The following WTAP variants were observed in gnomAD, a reference collection of about 807,000 sequenced individuals.
WTAP encodes pre-mRNA-splicing regulator WTAP.
A neutral mutation model predicts 50.0 loss-of-function variants in WTAP; 8 were observed. The ratio of observed to expected loss-of-function variants is 0.16; its 90% confidence interval spans 0.09 to 0.29. The LOEUF is 0.29. Among genes scored for constraint, WTAP ranks in the 10% least tolerant of loss-of-function variants. WTAP has a pLI of 1.00. For missense variants in WTAP, 295 were observed against 470.7 expected, an observed-to-expected ratio of 0.63 and a Z score of 3.45; for synonymous variants, 194 against 169.0, an observed-to-expected ratio of 1.15 and a Z score of -1.15.
chr6:159,754,681 A>G (rs112615029), intron 7 of WTAP, among the ~76,000 whole-genome samples: 2 of 152,292 alleles, frequency 1.3e-5, no homozygotes, highest in African/African-American at 4.8e-5. Flanking sequence ...CTAGGAAAAT[A>G]GTTATTTTAC....
chr6:159,737,533 G>C (rs975343872), intron 2 of WTAP, among the ~76,000 whole-genome samples: 2 of 151,848 alleles, frequency 1.3e-5, no homozygotes, highest in East Asian at 3.9e-4. Context: ...TCACTCTGTT[G>C]CCCATGCTGG....
At chr6:159,729,314 A>AT (rs1778421469) in intron 1 of WTAP, among the ~76,000 whole-genome samples, 1 of 152,090 alleles carries the variant, frequency 6.6e-6, no homozygotes, top group Non-Finnish European at 1.5e-5. Flanking sequence ...CTTGTTTTTA[A>AT]TTTTTTTAGT....
chr6:159,730,653 A>G (rs1437576509), intron 1 of WTAP, among the ~76,000 whole-genome samples: 2 of 152,220 alleles, frequency 1.3e-5, no homozygotes, highest in African/African-American at 4.8e-5. Context: ...TTTACTTTTC[A>G]TCAGATTAAA....
rs1052051436 is a variant in WTAP at position 159,755,717 on chromosome 6, G to A, written c.*106G>A. On this transcript the variant is annotated 3_prime_UTR_variant, in exon 8 of 8. Transcript: ENST00000621533. ...ACAATTTGCCTTTTTGTGGGTGTAC[G>A]TTTTGGTTTTTTTTTGTTGTTTTTT... 8.0e-5 allele frequency: 78 copies of A among 980,926 alleles called. No homozygotes were observed. Among genetic ancestry groups the A allele is most frequent in the Non-Finnish European group, 8.9e-5 (75 of 838,326 alleles). The allele number at this position is 980,926 out of a possible 1,614,324, so 60.8% of individuals were successfully genotyped here. A position where few individuals can be genotyped will look rare whatever the true frequency, so the allele number is the denominator to read the frequency against.
chr6:159,755,767 T>G lies in WTAP; in HGVS notation c.*156T>G. ...TTTCTTTGTTTTTTTTTTCTTTTCT[T>G]TTTTTTTTTTTTTTTTTTTTTTTGC... On this transcript the variant is annotated 3_prime_UTR_variant, in exon 8 of 8. Transcript: ENST00000621533. 1 of 343,092 alleles carries G rather than the reference T, an allele frequency of 2.9e-6. No individual in the cohort carries two copies. The allele number at this position is 343,092 out of a possible 1,614,324, so 21.3% of individuals were successfully genotyped here.
In WTAP at chr6:159,755,790, T is replaced by TTTTTTTTTTTTTTG. The variant is rs1779991801; in HGVS notation, c.*179_*180insTTTTTTTTTTTTTG. The stretch of plus-strand genomic sequence containing the variant: ...CTTTTTTTTTTTTTTTTTTTTTTTT[T>TTTTTTTTTTTTTTG]GCTTCAATACTTCTGCCGCTTTGGA... On this transcript the variant is annotated 3_prime_UTR_variant, in exon 8 of 8. Coordinates refer to ENST00000621533, the MANE Select transcript of WTAP (RefSeq NM_001270531.2). 2 of 848,086 alleles carry TTTTTTTTTTTTTTG rather than the reference T, an allele frequency of 2.4e-6. No individual in the cohort carries two copies. The highest frequency in any genetic ancestry group is 3.1e-6 in the Non-Finnish European group (2 of 641,818). The allele number at this position is 848,086 out of a possible 1,614,324, so 52.5% of individuals were successfully genotyped here.
intron 3 of WTAP, among the ~76,000 whole-genome samples, chr6:159,740,021 C>T (rs1779155177): frequency 6.6e-6 from 1 of 151,728 alleles, no homozygotes; most frequent in African/African-American, 2.4e-5. Flanking sequence ...TTTTAATGTG[C>T]ATATAAATTA....
chr6:159,752,198 TAGA>T (rs1285499412), intron 6 of WTAP, among the ~76,000 whole-genome samples: 5 of 152,284 alleles, frequency 3.3e-5, no homozygotes, highest in African/African-American at 1.2e-4. Flanking sequence ...AAAGCCTCAC[TAGA>T]AGAAGGAAAG....
chr6:159,747,514 C>G (rs892653418), intron 5 of WTAP, among the ~76,000 whole-genome samples: 1 of 152,098 alleles, frequency 6.6e-6, no homozygotes, highest in Non-Finnish European at 1.5e-5. Flanking sequence ...GGCTTAAGGT[C>G]CTATAGAGTT....
intron 7 of WTAP, among the ~76,000 whole-genome samples, chr6:159,753,937 G>C (rs535531557): frequency 6.6e-6 from 1 of 152,294 alleles, no homozygotes; most frequent in East Asian, 1.9e-4. Context: ...GTTTGAAAGG[G>C]AGAATAAGCA....
At position 159,743,680 on chromosome 6, in the gene WTAP, G is replaced by A. The variant is rs1165719493; in HGVS notation, c.161G>A (p.Gly54Asp). 6.2e-7 allele frequency: 1 copy of A among 1,612,246 alleles called. No homozygotes were observed. Among genetic ancestry groups the A allele is most frequent in the East Asian group, 2.2e-5 (1 of 44,810 alleles). ...YTDLNSNDVT[G>D]LRESEEKLKQ... The stretch of plus-strand genomic sequence containing the variant: ...GAATCATCAGCTAATGATGTAACTG[G>A]CCTAAGAGAGTCTGAAGAAAAACTA... The change falls in exon 5 of 8, where the codon GGC (glycine) becomes GAC (aspartate). Residue 54 changes from glycine to aspartate, a missense_variant. This residue lies in a region of WTAP where 120 missense variants were observed against 287.6 expected (regional missense o/e 0.42). Coordinates refer to ENST00000621533, the MANE Select transcript of WTAP (RefSeq NM_001270531.2).
chr6:159,746,627 G>C (rs527614994), intron 5 of WTAP, among the ~76,000 whole-genome samples: 1 of 152,122 alleles, frequency 6.6e-6, no homozygotes, highest in Non-Finnish European at 1.5e-5. Flanking sequence ...AATTAGCCAC[G>C]TAGTTACTAT....
chr6:159,727,765 C>T (rs965154088), intron 1 of WTAP, 62 bp downstream of exon 1: 176 of 970,242 alleles, frequency 1.8e-4, no homozygotes, highest in Non-Finnish European at 2.1e-4. Flanking sequence ...AGGGCTGATG[C>T]GCAGCCGCCC....
At chr6:159,752,064 A>G (rs1045515815) in intron 6 of WTAP, among the ~76,000 whole-genome samples, 1 of 141,552 alleles carries the variant, frequency 7.1e-6, no homozygotes, top group African/African-American at 2.7e-5. Context: ...CCCCATCTCA[A>G]AAAAAAAAAA....
chr6:159,746,802 G>T (rs940376255), intron 5 of WTAP, among the ~76,000 whole-genome samples: 2 of 152,112 alleles, frequency 1.3e-5, no homozygotes, highest in African/African-American at 4.8e-5. Flanking sequence ...ACTTTACTCA[G>T]TGTTCTCTTC....
chr6:159,732,388 C>CA (rs1339826478), intron 1 of WTAP, among the ~76,000 whole-genome samples: 1 of 152,166 alleles, frequency 6.6e-6, no homozygotes, highest in Admixed American at 6.5e-5. Context: ...TTCAAACTGT[C>CA]ATTCACAGAT....
chr6:159,739,105 C>A, intron 3 of WTAP, 60 bp downstream of exon 3: 1 of 1,327,562 alleles, frequency 7.5e-7, no homozygotes, highest in Non-Finnish European at 1.1e-6. Context: ...TGTGACTCTA[C>A]ACTGTAATTG....
intron 1 of WTAP, 91 bp downstream of exon 1, chr6:159,727,794 G>C (rs1269067975): frequency 5.4e-6 from 5 of 929,558 alleles, no homozygotes; most frequent in African/African-American, 1.8e-5. Flanking sequence ...TAAGGGGCGG[G>C]CAGGGCCCGA....
rs184308833 is a variant in WTAP at position 159,753,046 on chromosome 6, T to G, written c.453-414T>G. Reference sequence around the variant, plus strand: ...TTGTAGGTACTGATTTTCATAAATATTTGTGATTGATGTTGCATGTACCTT... The same window carrying G: ...TTGTAGGTACTGATTTTCATAAATAGTTGTGATTGATGTTGCATGTACCTT... On this transcript the variant is annotated intron_variant, in intron 6 of 7. Coordinates refer to ENST00000621533, the MANE Select transcript of WTAP (RefSeq NM_001270531.2). Among the ~76,000 whole-genome samples, 288 of 152,364 alleles carry G rather than the reference T, an allele frequency of 1.9e-3. 1 individual carries two copies. Among genetic ancestry groups the G allele is most frequent in the Non-Finnish European group, 2.3e-3 (156 of 68,030 alleles).
Sources: gnomAD v4.1 joint callset for allele counts (sites outside exome capture counted in the v4.1 genomes callset) on GRCh38, gnomAD v4.1.1 for gene constraint, gnomAD v4.1.1 regional missense constraint, MANE v1.5 for transcripts, NCBI Gene and HGNC (gene_info 2026-07-23, HGNC 2026-07-21) for gene names.